RBKS: variants seen among roughly 807,000 people sequenced by gnomAD.
RBKS encodes ribokinase.
RBKS carries 33 observed loss-of-function variants against 33.9 expected under a neutral mutation model. That is an observed-to-expected ratio of 0.97 (90% CI 0.74 to 1.30). The LOEUF is 1.30. RBKS is among the 50% of genes most tolerant of loss of function. The pLI, the probability that RBKS is intolerant of heterozygous loss-of-function variation, is 0.00. For missense variants in RBKS, 361 were observed against 392.6 expected, an observed-to-expected ratio of 0.92 and a Z score of 0.68; for synonymous variants, 125 against 143.0, an observed-to-expected ratio of 0.87 and a Z score of 0.90.
At chr2:27,801,950 GAAAAA>G (rs1217494223) in intron 7 of RBKS, among the ~76,000 whole-genome samples, 23 of 40,510 alleles carry the variant, frequency 5.7e-4, no homozygotes, top group African/African-American at 1.9e-3. Flanking sequence ...AGTAGCTGGG[GAAAAA>G]AAAAAAAAAT....
At chr2:27,785,061 A>G (rs1196907116) in intron 7 of RBKS, among the ~76,000 whole-genome samples, 1 of 152,220 alleles carries the variant, frequency 6.6e-6, no homozygotes, top group Non-Finnish European at 1.5e-5. Context: ...TCCTTACATT[A>G]CATACAAAAT....
At chr2:27,889,157 G>A (rs896053930) in intron 1 of RBKS, among the ~76,000 whole-genome samples, 11 of 152,220 alleles carry the variant, frequency 7.2e-5, no homozygotes, top group Admixed American at 5.2e-4. Context: ...TGGAAATTTG[G>A]TAACACAGCT....
In RBKS at chr2:27,837,428, A is replaced by G. The variant is rs1020379981; in HGVS notation, c.515-4651T>C. The stretch of plus-strand genomic sequence containing the variant: ...AAAGCAGTTTGGAGATTGATTCTCA[A>G]AGAACTTAAAATAGACCTACCATTT... On this transcript the variant is annotated intron_variant, in intron 5 of 7. Transcript: ENST00000302188. This position sits in a 1 kb window ranked among gnomAD's most constrained non-coding sequence, Gnocchi z 4.0. Among the ~76,000 whole-genome samples, 1 of 152,222 alleles carries G rather than the reference A, an allele frequency of 6.6e-6. No individual in the cohort carries two copies. The highest frequency in any genetic ancestry group is 1.5e-5 in the Non-Finnish European group (1 of 68,032).
intron 5 of RBKS, among the ~76,000 whole-genome samples, chr2:27,841,589 C>T (rs752194730): frequency 1.3e-5 from 2 of 152,158 alleles, no homozygotes; most frequent in Non-Finnish European, 2.9e-5. Context: ...AAATTTACCA[C>T]AGCATGTTGT....
chr2:27,849,300 T>C (rs1573063267), intron 2 of RBKS, among the ~76,000 whole-genome samples: 1 of 152,102 alleles, frequency 6.6e-6, no homozygotes, highest in Non-Finnish European at 1.5e-5. Flanking sequence ...CGGTGGCTCA[T>C]GCCTGTAATC....
At chr2:27,832,022 T>C (rs1412916406) in intron 6 of RBKS, among the ~76,000 whole-genome samples, 1 of 152,234 alleles carries the variant, frequency 6.6e-6, no homozygotes, top group African/African-American at 2.4e-5. Context: ...GAGAGCTCTG[T>C]TCTAATGCTG....
chr2:27,870,673 A>C, intron 1 of RBKS: 1 of 406,910 alleles, frequency 2.5e-6, no homozygotes, highest in South Asian at 1.7e-5. Context: ...TATGGATGAC[A>C]TGGTGTGTAG....
At position 27,847,029 on chromosome 2, in the gene RBKS, G is replaced by A. The variant is rs1663634917; in HGVS notation, c.349+13C>T. On this transcript the variant is annotated intron_variant, in intron 4 of 7. Coordinates refer to ENST00000302188, the MANE Select transcript of RBKS (RefSeq NM_022128.3). ...GTCTTATGAAATGACACTCCAATAT[G>A]CAAAACACTTACCTTCATTATTGAC... 1 of 1,570,218 alleles carries A rather than the reference G, an allele frequency of 6.4e-7. No individual in the cohort carries two copies. Among genetic ancestry groups the A allele is most frequent in the Admixed American group, 1.7e-5 (1 of 59,796 alleles).
intron 1 of RBKS, among the ~76,000 whole-genome samples, chr2:27,880,357 C>G (rs1664393361): frequency 6.6e-6 from 1 of 152,144 alleles, no homozygotes; most frequent in South Asian, 2.1e-4. Context: ...CTTTGAAAAC[C>G]AGCACAAGAC....
rs1677962596 is a variant in RBKS at position 27,810,039 on chromosome 2, G to A, written c.795+17528C>T. On this transcript the variant is annotated intron_variant, in intron 7 of 7. Coordinates refer to ENST00000302188, the MANE Select transcript of RBKS (RefSeq NM_022128.3). This position sits in a 1 kb window ranked among gnomAD's most constrained non-coding sequence, Gnocchi z 4.4. The stretch of plus-strand genomic sequence containing the variant: ...GCTTCACTCTTGGGTCTTGAGCCAG[G>A]TCTACACTGTGAAAATGAAGGAAGG... 1 of 1,304,050 alleles carries A rather than the reference G, an allele frequency of 7.7e-7. No homozygotes were observed. Among genetic ancestry groups the A allele is most frequent in the Admixed American group, 2.3e-5 (1 of 43,532 alleles). The allele number at this position is 1,304,050 out of a possible 1,614,324, so 80.8% of individuals were successfully genotyped here.
chr2:27,840,370 A>G (rs1322409569), intron 5 of RBKS, among the ~76,000 whole-genome samples: 31 of 141,612 alleles, frequency 2.2e-4, no homozygotes, highest in East Asian at 1.3e-3. Flanking sequence ...GCGCGCACAC[A>G]CACACACACA....
In RBKS at chr2:27,852,961, T is replaced by C. The variant is rs1031506930; in HGVS notation, c.223-4864A>G. On this transcript the variant is annotated intron_variant, in intron 2 of 7. Transcript: ENST00000302188. The stretch of plus-strand genomic sequence containing the variant: ...TTGAATAAATCCTTCATATTAACTT[T>C]TAACTTGTCATTTGTGGCCTTATAA... Among the ~76,000 whole-genome samples, 3 of 152,324 alleles carry C rather than the reference T, an allele frequency of 2.0e-5. No homozygotes were observed. The South Asian group carries it at 6.2e-4, about 32-fold the overall frequency.
intron 7 of RBKS, among the ~76,000 whole-genome samples, chr2:27,786,751 C>T (rs890399165): frequency 6.0e-5 from 9 of 149,840 alleles, no homozygotes; most frequent in Non-Finnish European, 1.0e-4. Context: ...ACTGCACTCT[C>T]GCCTGGGCGA....
At chr2:27,788,506 C>G (rs1677448448) in intron 7 of RBKS, among the ~76,000 whole-genome samples, 1 of 152,082 alleles carries the variant, frequency 6.6e-6, no homozygotes, top group African/African-American at 2.4e-5. Context: ...GAGATCGAGA[C>G]CATCCTGGCT....
intron 7 of RBKS, among the ~76,000 whole-genome samples, chr2:27,819,265 A>G (rs1558540852): frequency 6.6e-6 from 1 of 152,136 alleles, no homozygotes; most frequent in Admixed American, 6.5e-5. Flanking sequence ...GTGTGCTCAC[A>G]TGACTCTTTG....
At chr2:27,861,813 A>G (rs1432325234) in intron 1 of RBKS, among the ~76,000 whole-genome samples, 1 of 151,722 alleles carries the variant, frequency 6.6e-6, no homozygotes, top group East Asian at 1.9e-4. Context: ...CACCATGCCC[A>G]GCTAATTTTT....
intron 1 of RBKS, among the ~76,000 whole-genome samples, chr2:27,863,491 A>C (rs1361085375): frequency 2.0e-5 from 3 of 152,258 alleles, no homozygotes; most frequent in Non-Finnish European, 2.9e-5. Flanking sequence ...AGAACAACTT[A>C]TCAATTGCTT....
intron 7 of RBKS, among the ~76,000 whole-genome samples, chr2:27,789,916 T>TA (rs1491271105): frequency 9.2e-6 from 1 of 109,274 alleles, no homozygotes; most frequent in African/African-American, 5.0e-5. Flanking sequence ...TGTGTGTGTG[T>TA]TTGTGTGTGT....
chr2:27,870,802 A>G lies in RBKS; in HGVS notation c.90-12231T>C, dbSNP rs1289348221. ...AAATGACCAGTTCAGTTTTCCTGAC[A>G]TGTAATCACGCAAAGACTTGAACAG... On this transcript the variant is annotated intron_variant, in intron 1 of 7. Transcript: ENST00000302188. 4 of 465,812 alleles carry G rather than the reference A, an allele frequency of 8.6e-6. No individual in the cohort carries two copies. In the East Asian group the frequency reaches 2.1e-4, roughly 24 times the overall value. The allele number at this position is 465,812 out of a possible 1,614,324, so 28.9% of individuals were successfully genotyped here. A position where few individuals can be genotyped will look rare whatever the true frequency, so the allele number is the denominator to read the frequency against.
Sources: allele counts gnomAD v4.1 joint callset (sites outside exome capture counted in the v4.1 genomes callset), GRCh38; gene constraint gnomAD v4.1.1; non-coding constraint Gnocchi (gnomAD v3.1); transcripts MANE v1.5; gene names NCBI Gene and HGNC (gene_info 2026-07-23, HGNC 2026-07-21).